ODF2L: variants seen among roughly 807,000 people sequenced by gnomAD.
ODF2L encodes the protein outer dense fiber of sperm tails 2 like.
In ODF2L, 76 loss-of-function variants were observed where a neutral mutation model predicts 86.3. The observed-to-expected ratio is 0.88, with a 90% confidence interval of 0.73 to 1.07. The LOEUF (loss-of-function observed/expected upper bound fraction) is 1.07, where lower values mean the gene tolerates loss of function less well. Among genes scored for constraint, ODF2L ranks in the 50% least tolerant of loss-of-function variants. The probability of loss-of-function intolerance (pLI) is 0.00; values close to 1 mark genes in which losing one functional copy is unlikely to be tolerated. For missense variants in ODF2L, 748 were observed against 717.4 expected (o/e 1.04, Z -0.49); for synonymous variants, 241 against 231.3 (o/e 1.04, Z -0.38).
chr1:86,377,715 G>T (rs1660276209), intron 7 of ODF2L, among the ~76,000 whole-genome samples: 1 of 152,156 alleles, frequency 6.6e-6, no homozygotes. Context: ...GCTATGCATT[G>T]GCCCCTTTTA....
chr1:86,386,940 A>G, exon 2 of ODF2L: 1 of 1,590,658 alleles, frequency 6.3e-7, no homozygotes, highest in Non-Finnish European at 8.6e-7. Context: ...TCACTGGTAC[A>G]CCGTGGTAAA....
intron 1 of ODF2L, among the ~76,000 whole-genome samples, chr1:86,388,027 G>A (rs1164923973): frequency 2.0e-5 from 3 of 152,058 alleles, no homozygotes; most frequent in East Asian, 1.9e-4. Flanking sequence ...TCCATAAAAT[G>A]TATATATTTT....
intron 1 of ODF2L, among the ~76,000 whole-genome samples, chr1:86,390,371 G>C (rs929623953): frequency 6.6e-6 from 1 of 152,016 alleles, no homozygotes; most frequent in Non-Finnish European, 1.5e-5. Context: ...AGTGAGCCAC[G>C]ACCATGCCAC....
intron 11 of ODF2L, among the ~76,000 whole-genome samples, chr1:86,362,908 T>C (rs1659146584): frequency 6.6e-6 from 1 of 152,204 alleles, no homozygotes; most frequent in African/African-American, 2.4e-5. Flanking sequence ...TCCTCCCACC[T>C]TGGCCTCCCA....
At chr1:86,348,668 G>T (rs978483911), downstream of ODF2L, 14 of 1,154,646 alleles carry the variant, frequency 1.2e-5, no homozygotes, top group Non-Finnish European at 1.5e-5. Flanking sequence ...AAATGTAACT[G>T]GTAGTATATT....
rs1390723694 is a variant in ODF2L, at chr1:86,380,021, A to AG, written c.624+2220dup. ...GTGTACTTAAAGTATTTGAGTATTA[A>AG]GTATCTATTAAAGACTTATGATTTT... On this transcript the variant is annotated intron_variant, in intron 7 of 17. Coordinates refer to ENST00000317336, the Ensembl canonical transcript of ODF2L. Among the ~76,000 whole-genome samples the AG allele has an allele frequency of 3.3e-5, 5 of 152,320 alleles. No individual in the cohort carries two copies. The East Asian group carries it at 9.6e-4, about 29-fold the overall frequency.
chr1:86,372,895 C>G (rs1217585776), intron 8 of ODF2L, among the ~76,000 whole-genome samples: 2 of 152,052 alleles, frequency 1.3e-5, no homozygotes, highest in Non-Finnish European at 2.9e-5. Flanking sequence ...TATGTTCTCA[C>G]TCATAAGTGG....
chr1:86,366,447 TACACAC>T (rs998213529), intron 11 of ODF2L, among the ~76,000 whole-genome samples: 3 of 116,204 alleles, frequency 2.6e-5, no homozygotes, highest in African/African-American at 9.9e-5. Flanking sequence ...CACATACACA[TACACAC>T]ACATTCACAC....
At chr1:86,387,028 A>G in exon 2 of ODF2L, 1 of 1,486,422 alleles carries the variant, frequency 6.7e-7, no homozygotes, top group South Asian at 1.2e-5. Context: ...CCTTCTCCAT[A>G]AATTCAGTAA....
At chr1:86,384,678 G>C in exon 4 of ODF2L, 1 of 1,466,710 alleles carries the variant, frequency 6.8e-7, no homozygotes, top group East Asian at 2.6e-5. Context: ...TGCCTTACTT[G>C]TTTGTAGTCT....
chr1:86,349,148 G>A (rs1657961977), downstream of ODF2L: 2 of 186,396 alleles, frequency 1.1e-5, no homozygotes, highest in Non-Finnish European at 2.2e-5. Context: ...TAACTTAATA[G>A]GTTAACAACT....
chr1:86,372,642 A>G, intron 8 of ODF2L, 102 bp from the exon 9 acceptor site: 1 of 591,980 alleles, frequency 1.7e-6, no homozygotes. Flanking sequence ...GCAATCTTCC[A>G]AAAAGTATGG....
Position 86,356,438 on chromosome 1 carries a change from G to A in ODF2L, c.1518+6C>T. 1 of 1,594,844 alleles carries A rather than the reference G, an allele frequency of 6.3e-7. No individual in the cohort carries two copies. Among genetic ancestry groups the A allele is most frequent in the South Asian group, 1.1e-5 (1 of 88,404 alleles). On this transcript the variant is annotated splice_donor_region_variant and intron_variant, in intron 14 of 17. Transcript: ENST00000317336. The stretch of plus-strand genomic sequence containing the variant: ...TCTAGCAAAACTCAGAAGGACGGCT[G>A]GACACCTGGCCCTGAAGCTCCCTAA...
chr1:86,376,126 C>G (rs1289087712), intron 8 of ODF2L, 107 bp downstream of exon 8: 11 of 562,044 alleles, frequency 2.0e-5, no homozygotes, highest in Non-Finnish European at 3.2e-5. Flanking sequence ...CTGGTATTAA[C>G]AGCATTAAGA....
exon 9 of ODF2L, chr1:86,372,502 G>A (rs150698509): frequency 4.6e-6 from 7 of 1,527,096 alleles, no homozygotes; most frequent in South Asian, 1.4e-5. Context: ...GACTTTTCCA[G>A]GCATTGGAAG....
At chr1:86,364,763 CAT>C (rs1330957472) in intron 11 of ODF2L, among the ~76,000 whole-genome samples, 3 of 152,114 alleles carry the variant, frequency 2.0e-5, no homozygotes, top group Non-Finnish European at 4.4e-5. Flanking sequence ...GAATGAGGGT[CAT>C]GACCTAGGGA....
At chr1:86,390,149 G>A (rs905197661) in intron 1 of ODF2L, among the ~76,000 whole-genome samples, 1 of 152,186 alleles carries the variant, frequency 6.6e-6, no homozygotes, top group Non-Finnish European at 1.5e-5. Flanking sequence ...AAGGCCGGGC[G>A]TGGTGGCTCA....
chr1:86,384,922 A>G (rs1660838602), intron 3 of ODF2L, 121 bp from the exon 4 acceptor site: 1 of 658,238 alleles, frequency 1.5e-6, no homozygotes, highest in Middle Eastern at 4.9e-4. Context: ...GTGCATAGTA[A>G]TAATAAATGC....
rs571847435 is a variant in ODF2L at position 86,395,279 on chromosome 1, C to G, written c.-60+754G>C. On this transcript the variant is annotated intron_variant, in intron 1 of 17. Transcript: ENST00000317336. ...AAATAGATTTTATCCCCAACAGCAG[C>G]CCCAGTATGGTTATTCTCAGTAAAC... 4.6e-5 allele frequency among the ~76,000 whole-genome samples: 7 copies of G among 152,282 alleles called. No homozygotes were observed. The South Asian group carries it at 1.0e-3, about 23-fold the overall frequency.
Sources: gnomAD v4.1 joint callset for allele counts (sites outside exome capture counted in the v4.1 genomes callset) on GRCh38, gnomAD v4.1.1 for gene constraint, MANE v1.5 for transcripts, NCBI Gene and HGNC (gene_info 2026-07-23, HGNC 2026-07-21) for gene names.